Variants in RSRC1 observed in about 807,000 individuals in gnomAD.
The protein encoded by RSRC1 is arginine and serine rich coiled-coil 1, also known as serine/Arginine-related protein 53.
A neutral mutation model predicts 49.1 loss-of-function variants in RSRC1; 39 were observed. The ratio of observed to expected loss-of-function variants is 0.79; its 90% CI spans 0.61 to 1.04. The LOEUF is 1.04. Among genes scored for constraint, RSRC1 ranks in the 50% least tolerant of loss-of-function variants. The probability of loss-of-function intolerance (pLI) is 0.00; values close to 1 mark genes in which losing one functional copy is unlikely to be tolerated. For synonymous variants in RSRC1, 143 were observed against 130.8 expected (o/e 1.09, Z -0.63); for missense variants, 388 against 402.4 (o/e 0.96, Z 0.31).
At chr3:158,389,086 A>G (rs1733131866) in intron 6 of RSRC1, among the ~76,000 whole-genome samples, 1 of 152,222 alleles carries the variant, frequency 6.6e-6, no homozygotes, top group Non-Finnish European at 1.5e-5. Flanking sequence ...GGAAAAGTAA[A>G]TGAAAGTACT....
intron 2 of RSRC1, 46 bp from the exon 3 acceptor site, chr3:158,123,820 A>T: frequency 6.4e-7 from 1 of 1,554,610 alleles, no homozygotes; most frequent in Non-Finnish European, 8.7e-7. Context: ...TAATGCTCAT[A>T]ATAAAAATTT....
intron 4 of RSRC1, among the ~76,000 whole-genome samples, chr3:158,226,216 AGTT>A (rs1722524620): frequency 6.6e-6 from 1 of 151,938 alleles, no homozygotes; most frequent in Non-Finnish European, 1.5e-5. Context: ...TCCTTCAAAG[AGTT>A]GTTGGTGGGG....
At chr3:158,430,980 G>T (rs1274245751) in intron 6 of RSRC1, among the ~76,000 whole-genome samples, 2 of 151,862 alleles carry the variant, frequency 1.3e-5, no homozygotes, top group African/African-American at 4.8e-5. Context: ...CTTTTAAAGA[G>T]TCACAAGACA....
At chr3:158,424,115 T>TAGG (rs981063953) in intron 6 of RSRC1, among the ~76,000 whole-genome samples, 20 of 151,988 alleles carry the variant, frequency 1.3e-4, no homozygotes, top group African/African-American at 4.8e-4. Context: ...CTATGTTGAA[T>TAGG]AGGAGTAGGA....
chr3:158,293,653 T>A (rs1727074152), intron 4 of RSRC1, among the ~76,000 whole-genome samples: 1 of 152,118 alleles, frequency 6.6e-6, no homozygotes, highest in South Asian at 2.1e-4. Context: ...CTTCCTGAAT[T>A]TATTTATCTT....
intron 4 of RSRC1, among the ~76,000 whole-genome samples, chr3:158,280,260 A>G (rs1252816966): frequency 6.6e-6 from 1 of 152,166 alleles, no homozygotes; most frequent in Non-Finnish European, 1.5e-5. Context: ...TGACAGTGGA[A>G]TAAAATGAGA....
At chr3:158,310,300 T>C (rs1728057722) in intron 5 of RSRC1, among the ~76,000 whole-genome samples, 1 of 151,704 alleles carries the variant, frequency 6.6e-6, no homozygotes, top group Admixed American at 6.6e-5. Flanking sequence ...CTTATTGAGG[T>C]GAAGAGAGAG....
chr3:158,473,063 G>A (rs1207993251), intron 7 of RSRC1, among the ~76,000 whole-genome samples: 1 of 152,164 alleles, frequency 6.6e-6, no homozygotes, highest in African/African-American at 2.4e-5. Context: ...TACACTGTCG[G>A]TGGGACTGTA....
chr3:158,241,878 A>T (rs1324304406), intron 4 of RSRC1, among the ~76,000 whole-genome samples: 3 of 151,956 alleles, frequency 2.0e-5, no homozygotes, highest in Admixed American at 6.6e-5. Context: ...AACATTTCTG[A>T]TGTGTAGTTT....
chr3:158,476,962 G>T (rs1173892467), intron 7 of RSRC1, among the ~76,000 whole-genome samples: 1 of 152,168 alleles, frequency 6.6e-6, no homozygotes, highest in African/African-American at 2.4e-5. Flanking sequence ...TTTGGAAGAA[G>T]TTGCCTCCAA....
At chr3:158,427,115 G>A (rs1735488178) in intron 6 of RSRC1, among the ~76,000 whole-genome samples, 3 of 151,652 alleles carry the variant, frequency 2.0e-5, no homozygotes, top group Admixed American at 1.3e-4. Flanking sequence ...TCTTGCCTGT[G>A]TAGAACAGGC....
At chr3:158,313,666 A>G (rs944177033) in intron 5 of RSRC1, among the ~76,000 whole-genome samples, 2 of 152,246 alleles carry the variant, frequency 1.3e-5, no homozygotes, top group Non-Finnish European at 2.9e-5. Flanking sequence ...GCATGGCAAA[A>G]ATAAATGAAG....
chr3:158,438,477 A>G (rs983384182), intron 6 of RSRC1, among the ~76,000 whole-genome samples: 7 of 152,168 alleles, frequency 4.6e-5, no homozygotes, highest in Non-Finnish European at 8.8e-5. Flanking sequence ...AGATATATAG[A>G]CCAATAGAAC....
At chr3:158,469,593 G>T (rs1738036980) in intron 7 of RSRC1, 1 of 153,996 alleles carries the variant, frequency 6.5e-6, no homozygotes, top group South Asian at 1.9e-4. Context: ...GAAAACTGAT[G>T]TTGAGTTAAA....
At chr3:158,341,856 C>T (rs1319138983) in intron 5 of RSRC1, among the ~76,000 whole-genome samples, 1 of 152,152 alleles carries the variant, frequency 6.6e-6, no homozygotes, top group Non-Finnish European at 1.5e-5. Context: ...GGTGGAGCTG[C>T]CCAAGACCAT....
chr3:158,449,240 TA>T lies in RSRC1; in HGVS notation c.584-11686del, dbSNP rs748912590. Among the ~76,000 whole-genome samples, 62 of 151,506 alleles carry T rather than the reference TA, an allele frequency of 4.1e-4. No individual in the cohort carries two copies. In the East Asian group the frequency reaches 7.4e-3, roughly 18 times the overall value. On this transcript the variant is annotated intron_variant, in intron 6 of 9. Coordinates refer to ENST00000611884, the MANE Select transcript of RSRC1 (RefSeq NM_001271838.2). The stretch of plus-strand genomic sequence containing the variant: ...GTCTCTAAACATCCAAAGGAGAACT[TA>T]AAAAAAAATTTAATAATGAAATATC...
chr3:158,413,495 TA>T (rs375393832), intron 6 of RSRC1, among the ~76,000 whole-genome samples: 4 of 152,246 alleles, frequency 2.6e-5, no homozygotes, highest in African/African-American at 9.6e-5. Context: ...AAATGGGATC[TA>T]ATTAAACTAA....
In RSRC1 at chr3:158,519,059, A is replaced by G. The variant is rs938223147; in HGVS notation, c.653-18033A>G. Among the ~76,000 whole-genome samples, 3 of 152,288 alleles carry G rather than the reference A, an allele frequency of 2.0e-5. No homozygotes were observed. In the South Asian group the frequency reaches 6.2e-4, roughly 32 times the overall value. On this transcript the variant is annotated intron_variant, in intron 7 of 9. Coordinates refer to ENST00000611884, the MANE Select transcript of RSRC1 (RefSeq NM_001271838.2). ...AGTCATCTCAAAGTTATCATCTTCA[A>G]AACTGAACTCAACTACACCCATTCA... is the stretch of plus-strand genomic sequence containing the variant.
chr3:158,391,375 A>C (rs2108294535), intron 6 of RSRC1, among the ~76,000 whole-genome samples: 1 of 152,308 alleles, frequency 6.6e-6, no homozygotes, highest in Admixed American at 6.5e-5. Context: ...CAGAGCTTAT[A>C]GCAAGAGAGC....
Sources: allele counts gnomAD v4.1 joint callset (sites outside exome capture counted in the v4.1 genomes callset), GRCh38; gene constraint gnomAD v4.1.1; transcripts MANE v1.5; gene names NCBI Gene and HGNC (gene_info 2026-07-23, HGNC 2026-07-21).